The following XYLT1 variants were observed in gnomAD, a reference collection of about 807,000 sequenced individuals.
XYLT1 encodes beta-D-xylosyltransferase 1.
Under a neutral mutation model 91.3 loss-of-function variants are expected in XYLT1, and 36 were observed. The ratio of observed to expected loss-of-function variants is 0.39; its 90% CI spans 0.30 to 0.52. The LOEUF (loss-of-function observed/expected upper bound fraction) is 0.52, where lower values mean the gene tolerates loss of function less well. XYLT1 is among the 20% of genes least tolerant of loss of function. XYLT1 has a pLI of 0.68. For synonymous variants in XYLT1, 588 were observed against 532.0 expected (o/e 1.11, Z -1.45); for missense variants, 1,242 against 1,284.5 (o/e 0.97, Z 0.51).
chr16:17,177,821 C>T (rs1336559414), intron 5 of XYLT1, among the ~76,000 whole-genome samples: 2 of 152,156 alleles, frequency 1.3e-5, no homozygotes, highest in Non-Finnish European at 2.9e-5. Flanking sequence ...AACACATGTC[C>T]AGTCACTCTG....
chr16:17,300,308 G>A (rs910061912), intron 2 of XYLT1, among the ~76,000 whole-genome samples: 4 of 152,150 alleles, frequency 2.6e-5, no homozygotes, highest in African/African-American at 4.8e-5. Flanking sequence ...AATGATATGC[G>A]TGTAGGGAGG....
chr16:17,336,094 A>C (rs1175286849), intron 2 of XYLT1, among the ~76,000 whole-genome samples: 4 of 152,214 alleles, frequency 2.6e-5, no homozygotes, highest in African/African-American at 9.6e-5. Context: ...TGTGCACAGC[A>C]TGGAGAAACG....
At chr16:17,310,928 A>AGC (rs2034537750) in intron 2 of XYLT1, among the ~76,000 whole-genome samples, 1 of 152,218 alleles carries the variant, frequency 6.6e-6, no homozygotes, top group Admixed American at 6.5e-5. Flanking sequence ...TTCAGGGGTC[A>AGC]TGTCCCACAG....
At chr16:17,266,653 A>G (rs2033809923) in intron 2 of XYLT1, among the ~76,000 whole-genome samples, 1 of 152,176 alleles carries the variant, frequency 6.6e-6, no homozygotes, top group Admixed American at 6.5e-5. Flanking sequence ...CACTGCTCAC[A>G]CATGAGGGCG....
At chr16:17,186,125 C>T (rs552389601) in intron 5 of XYLT1, among the ~76,000 whole-genome samples, 9 of 152,188 alleles carry the variant, frequency 5.9e-5, no homozygotes, top group South Asian at 2.1e-4. Context: ...TTTTTTAAGA[C>T]GGAATTTCAC....
intron 2 of XYLT1, among the ~76,000 whole-genome samples, chr16:17,327,464 G>A (rs773397850): frequency 2.0e-5 from 3 of 146,918 alleles, no homozygotes; most frequent in Non-Finnish European, 3.0e-5. Context: ...CCGGGTTCAC[G>A]CCATTCTCTT....
chr16:17,168,879 C>T (rs886261726), intron 5 of XYLT1, among the ~76,000 whole-genome samples: 2 of 152,166 alleles, frequency 1.3e-5, no homozygotes, highest in Non-Finnish European at 1.5e-5. Context: ...AGCGGCTCTC[C>T]ATCATCTGAA....
chr16:17,411,124 C>CA (rs1436016898), intron 1 of XYLT1, among the ~76,000 whole-genome samples: 1 of 152,218 alleles, frequency 6.6e-6, no homozygotes. Context: ...GCAAATTATT[C>CA]AACTCCCATC....
At chr16:17,239,587 T>G (rs1293585314) in intron 3 of XYLT1, among the ~76,000 whole-genome samples, 48 of 96,290 alleles carry the variant, frequency 5.0e-4, no homozygotes, top group African/African-American at 1.6e-3. Flanking sequence ...TCCACTCACC[T>G]AGTCCGTCCA....
At chr16:17,133,823 G>C (rs181431670) in intron 9 of XYLT1, among the ~76,000 whole-genome samples, 8 of 152,304 alleles carry the variant, frequency 5.3e-5, no homozygotes, top group Admixed American at 2.0e-4. Flanking sequence ...TGGTAGATGA[G>C]ACAATTGTAA....
intron 3 of XYLT1, among the ~76,000 whole-genome samples, chr16:17,222,744 C>T (rs917377758): frequency 3.1e-4 from 44 of 141,886 alleles, no homozygotes; most frequent in African/African-American, 9.8e-4. Flanking sequence ...GAGCCGGGAT[C>T]GTGCCACAGC....
At chr16:17,444,028 C>G (rs972961050) in intron 1 of XYLT1, among the ~76,000 whole-genome samples, 3 of 152,208 alleles carry the variant, frequency 2.0e-5, no homozygotes, top group Non-Finnish European at 4.4e-5. Context: ...GGCACACTGG[C>G]CGTTCATCAA....
intron 9 of XYLT1, among the ~76,000 whole-genome samples, chr16:17,129,170 A>G (rs1370521421): frequency 6.6e-6 from 1 of 150,534 alleles, no homozygotes; most frequent in Non-Finnish European, 1.5e-5. Context: ...GGACTTTGGG[A>G]GTGGAAAGTC....
chr16:17,364,580 G>T (rs765911611), intron 1 of XYLT1, among the ~76,000 whole-genome samples: 11 of 152,120 alleles, frequency 7.2e-5, no homozygotes, highest in Non-Finnish European at 1.0e-4. Flanking sequence ...CCGTAGATAC[G>T]AGTGCAACCT....
chr16:17,374,854 G>A (rs1205021169), intron 1 of XYLT1, among the ~76,000 whole-genome samples: 1 of 152,096 alleles, frequency 6.6e-6, no homozygotes, highest in Non-Finnish European at 1.5e-5. Context: ...ATAACCAAAT[G>A]GGACAGACTA....
intron 2 of XYLT1, among the ~76,000 whole-genome samples, chr16:17,271,796 G>A (rs2033899148): frequency 6.6e-6 from 1 of 152,138 alleles, no homozygotes; most frequent in Non-Finnish European, 1.5e-5. Flanking sequence ...GGCCCATACT[G>A]GCCGATCTCA....
chr16:17,287,390 T>C (rs1215418041), intron 2 of XYLT1, among the ~76,000 whole-genome samples: 4 of 152,152 alleles, frequency 2.6e-5, no homozygotes, highest in Non-Finnish European at 4.4e-5. Flanking sequence ...CCTGGGGCTG[T>C]GGCCACTTCA....
intron 5 of XYLT1, among the ~76,000 whole-genome samples, chr16:17,164,003 A>ACTCC (rs1018929964): frequency 2.4e-5 from 3 of 126,830 alleles, no homozygotes; most frequent in African/African-American, 8.9e-5. Flanking sequence ...GCGCCACTGT[A>ACTCC]CTCCCACCTG....
intron 8 of XYLT1, 44 bp from the exon 9 acceptor site, chr16:17,134,779 G>A: frequency 6.2e-7 from 1 of 1,604,528 alleles, no homozygotes; most frequent in Non-Finnish European, 8.5e-7. Flanking sequence ...ATCAGCGAGT[G>A]CTGGGGGTTG....
Sources: gnomAD v4.1 joint callset for allele counts (sites outside exome capture counted in the v4.1 genomes callset) on GRCh38, gnomAD v4.1.1 for gene constraint, MANE v1.5 for transcripts, NCBI Gene and HGNC (gene_info 2026-07-23, HGNC 2026-07-21) for gene names.